PCDHGA5: variants seen among roughly 807,000 people sequenced by gnomAD.
PCDHGA5 encodes protocadherin gamma-A5.
PCDHGA5 carries 36 observed loss-of-function variants against 56.7 expected under a neutral mutation model. That is an observed-to-expected ratio of 0.64 (90% CI 0.49 to 0.84). The LOEUF (loss-of-function observed/expected upper bound fraction) is 0.84. PCDHGA5 is among the 40% of genes least tolerant of loss of function. PCDHGA5 has a pLI of 0.00. For synonymous variants in PCDHGA5, 563 were observed against 520.2 expected (o/e 1.08, Z -1.12); for missense variants, 1,305 against 1,201.5 (o/e 1.09, Z -1.27).
At chr5:141,376,407 A>G (rs1352753803) in intron 1 of PCDHGA5, 2 of 1,614,198 alleles carry the variant, frequency 1.2e-6, no homozygotes, top group Non-Finnish European at 1.7e-6. Flanking sequence ...CAGCCCAACT[A>G]TGCCGACACG....
chr5:141,501,971 G>A (rs2099812098), intron 2 of PCDHGA5, among the ~76,000 whole-genome samples: 1 of 151,956 alleles, frequency 6.6e-6, no homozygotes. Context: ...CCTAACCTCT[G>A]GCATCTGGTC....
intron 1 of PCDHGA5, chr5:141,408,577 T>C (rs771768269): frequency 6.2e-7 from 1 of 1,614,068 alleles, no homozygotes; most frequent in South Asian, 1.1e-5. Flanking sequence ...TGATTGAGGA[T>C]GTTAATGACC....
At chr5:141,414,622 C>T in intron 1 of PCDHGA5, 1 of 1,613,956 alleles carries the variant, frequency 6.2e-7, no homozygotes. Context: ...AGCGCTGGAC[C>T]CGGACAGCAA....
chr5:141,398,868 CAG>C, intron 1 of PCDHGA5: 1 of 1,613,982 alleles, frequency 6.2e-7, no homozygotes, highest in Non-Finnish European at 8.5e-7. Flanking sequence ...GAGACGTGTA[CAG>C]AGTCAGCCTT....
At position 141,423,418 on chromosome 5, in the gene PCDHGA5, G is replaced by T. The variant is rs1236092057; in HGVS notation, c.2421+56667G>T. On this transcript the variant is annotated intron_variant, in intron 1 of 3. Transcript: ENST00000518069. ...GTCACGCCTGCTGCAGGCTTCTGAAGGCGGGTTGGCAGGTATGCCCACGTC... is the reference window on the plus strand; with the variant it reads ...GTCACGCCTGCTGCAGGCTTCTGAATGCGGGTTGGCAGGTATGCCCACGTC... 1.2e-6 allele frequency: 2 copies of T among 1,614,022 alleles called. No individual in the cohort carries two copies. Among genetic ancestry groups the T allele is most frequent in the South Asian group, 1.1e-5 (1 of 91,088 alleles).
intron 1 of PCDHGA5, chr5:141,405,253 C>T (rs78501291): frequency 0.034 from 55,338 of 1,614,052 alleles, 1,052 homozygotes; most frequent in Middle Eastern, 0.098. Flanking sequence ...GGAAGAGTCA[C>T]CTGATCTTCC....
Position 141,450,757 on chromosome 5 carries a change from G to A in PCDHGA5, c.2422-44050G>A, listed in dbSNP as rs575351311. Among the ~76,000 whole-genome samples, 5 of 151,964 alleles carry A rather than the reference G, an allele frequency of 3.3e-5. No individual in the cohort carries two copies. In the East Asian group the frequency reaches 9.7e-4, roughly 29 times the overall value. ...CCGCCTTGGCCTCCCAAAGTGCCGG[G>A]ATTACAGGCATGAGCCACCGTGCCC... On this transcript the variant is annotated intron_variant, in intron 1 of 3. Coordinates refer to ENST00000518069, the MANE Select transcript of PCDHGA5 (RefSeq NM_018918.3).
chr5:141,382,147 C>A (rs1343948050), intron 1 of PCDHGA5, among the ~76,000 whole-genome samples: 1 of 151,884 alleles, frequency 6.6e-6, no homozygotes, highest in East Asian at 1.9e-4. Context: ...ATTTTTTAAA[C>A]GGTTAAAATG....
intron 1 of PCDHGA5, chr5:141,408,051 C>G (rs894200228): frequency 3.2e-5 from 41 of 1,264,370 alleles, no homozygotes; most frequent in African/African-American, 1.1e-4. Flanking sequence ...CCACACAGAG[C>G]CTCCCGGCTG....
In PCDHGA5 at chr5:141,463,518, G is replaced by A. The variant is rs537466389; in HGVS notation, c.2422-31289G>A. 5.7e-5 allele frequency among the ~76,000 whole-genome samples: 8 copies of A among 139,140 alleles called. No individual in the cohort carries two copies. The East Asian group carries it at 1.3e-3, about 22-fold the overall frequency. The allele number at this position is 139,140 out of a possible 152,430, so 91.3% of individuals were successfully genotyped here. On this transcript the variant is annotated intron_variant, in intron 1 of 3. Coordinates refer to ENST00000518069, the MANE Select transcript of PCDHGA5 (RefSeq NM_018918.3). The stretch of plus-strand genomic sequence containing the variant: ...GGCTGGAGTGACGTGGCGTGATCTC[G>A]GCTTACTAGAAACTCCGGCTCCCGG...
chr5:141,369,104 T>C (rs571749140), intron 1 of PCDHGA5, among the ~76,000 whole-genome samples: 2 of 152,282 alleles, frequency 1.3e-5, no homozygotes, highest in South Asian at 2.1e-4. Context: ...GAAAATGGAA[T>C]TAAAACTGTA....
intron 1 of PCDHGA5, among the ~76,000 whole-genome samples, chr5:141,460,961 A>ATGTG (rs35821115): frequency 4.1e-5 from 6 of 144,616 alleles, no homozygotes; most frequent in South Asian, 2.2e-4. Context: ...GTATATATAT[A>ATGTG]TGTGTGTGTG....
rs143278253 is a variant in PCDHGA5 at position 141,476,491 on chromosome 5, C to T, written c.2422-18316C>T. 9.5e-5 allele frequency: 153 copies of T among 1,613,894 alleles called. No individual in the cohort carries two copies. The highest frequency in any genetic ancestry group is 5.4e-5 in the Non-Finnish European group (64 of 1,180,020). On this transcript the variant is annotated intron_variant, in intron 1 of 3. Transcript: ENST00000518069. This position sits in a 1 kb window ranked among gnomAD's most constrained non-coding sequence, Gnocchi z 7.6. ...AGCTGTTCAGCGTGGAAGTGGTGAT[C>T]CAGGACATCAACGACAACAATCCTG... is the stretch of plus-strand genomic sequence containing the variant.
rs999687684 is a variant in PCDHGA5 at position 141,431,598 on chromosome 5, C to G, written c.2422-63209C>G. 1 of 1,614,074 alleles carries G rather than the reference C, an allele frequency of 6.2e-7. No individual in the cohort carries two copies. The highest frequency in any genetic ancestry group is 1.3e-5 in the African/African-American group (1 of 74,938). On this transcript the variant is annotated intron_variant, in intron 1 of 3. Transcript: ENST00000518069. This position sits in a 1 kb window ranked among gnomAD's most constrained non-coding sequence, Gnocchi z 4.8. ...GGAGTCAATGCGGAAGTGAGGTATT[C>G]CTTCCGGTATGTGGACGACAAGGCG...
At chr5:141,410,008 C>A (rs2095347582) in intron 1 of PCDHGA5, 1 of 1,613,220 alleles carries the variant, frequency 6.2e-7, no homozygotes, top group Non-Finnish European at 8.5e-7. Flanking sequence ...GACACAACGC[C>A]TGGCTGTCCT....
chr5:141,454,580 ATT>A (rs1392342692), intron 1 of PCDHGA5, among the ~76,000 whole-genome samples: 2 of 151,234 alleles, frequency 1.3e-5, no homozygotes, highest in Non-Finnish European at 2.9e-5. Context: ...CTAATTTTGT[ATT>A]TTTAGTAGAG....
intron 1 of PCDHGA5, chr5:141,395,733 T>C (rs567626582): frequency 5.9e-5 from 9 of 153,748 alleles, no homozygotes; most frequent in African/African-American, 2.2e-4. Context: ...TTTCTTCACT[T>C]TAAACCTCTT....
intron 1 of PCDHGA5, chr5:141,409,609 C>T: frequency 1.2e-6 from 2 of 1,613,938 alleles, no homozygotes; most frequent in Non-Finnish European, 1.7e-6. Flanking sequence ...CGCCAGGAGC[C>T]TCCATTGCGC....
chr5:141,417,768 C>A lies in PCDHGA5; in HGVS notation c.2421+51017C>A, dbSNP rs1444250512. On this transcript the variant is annotated intron_variant, in intron 1 of 3. Coordinates refer to ENST00000518069, the MANE Select transcript of PCDHGA5 (RefSeq NM_018918.3). ...ATTGCCAGCTCCGAGACCCGGGACT[C>A]CTCCTGTCCTGGGCCGAATGCTCTT... is the stretch of plus-strand genomic sequence containing the variant. 1.3e-5 allele frequency: 19 copies of A among 1,451,358 alleles called. No individual in the cohort carries two copies. In the South Asian group the frequency reaches 1.7e-4, roughly 13 times the overall value. The allele number at this position is 1,451,358 out of a possible 1,614,324, so 89.9% of individuals were successfully genotyped here. A position where few individuals can be genotyped will look rare whatever the true frequency, so the allele number is the denominator to read the frequency against.
Sources: gnomAD v4.1 joint callset for allele counts (sites outside exome capture counted in the v4.1 genomes callset) on GRCh38, gnomAD v4.1.1 for gene constraint, Gnocchi (gnomAD v3.1) non-coding constraint, MANE v1.5 for transcripts, NCBI Gene and HGNC (gene_info 2026-07-23, HGNC 2026-07-21) for gene names.